The following F13A1 variants were observed in gnomAD, a reference collection of about 807,000 sequenced individuals.
The protein encoded by F13A1 is FSF, A subunit.
F13A1 carries 47 observed loss-of-function variants against 80.1 expected under a neutral mutation model. The ratio of observed to expected loss-of-function variants is 0.59; its 90% CI spans 0.46 to 0.75. F13A1 has a LOEUF of 0.75. Among genes scored for constraint, F13A1 ranks in the 30% least tolerant of loss-of-function variants. F13A1 has a pLI of 0.00. For synonymous variants in F13A1, 349 were observed against 344.9 expected (o/e 1.01, Z -0.13); for missense variants, 817 against 930.4 (o/e 0.88, Z 1.59).
At chr6:6,150,478 C>G (rs954874091) in intron 14 of F13A1, among the ~76,000 whole-genome samples, 5 of 152,208 alleles carry the variant, frequency 3.3e-5, no homozygotes, top group African/African-American at 1.2e-4. Flanking sequence ...AATAAGGCAT[C>G]TCTTAAATGA....
chr6:6,188,027 C>T lies in F13A1; in HGVS notation c.1306-5886G>A, dbSNP rs184689159. On this transcript the variant is annotated intron_variant, in intron 10 of 14. Transcript: ENST00000264870. ...TATTTGCATAGAGGTGTTTGTAGTA[C>T]TCTCTGATGGTACTTTGTATTTCTG... 1.9e-3 allele frequency among the ~76,000 whole-genome samples: 295 copies of T among 151,382 alleles called. 2 individuals carry two copies. Among genetic ancestry groups the T allele is most frequent in the African/African-American group, 6.8e-3 (282 of 41,420 alleles).
chr6:6,234,194 G>A (rs1250901103), intron 6 of F13A1, among the ~76,000 whole-genome samples: 1 of 152,048 alleles, frequency 6.6e-6, no homozygotes, highest in Non-Finnish European at 1.5e-5. Flanking sequence ...TGTTTACCTT[G>A]AAAACCCCAA....
chr6:6,281,979 G>A (rs542473652), intron 3 of F13A1, among the ~76,000 whole-genome samples: 4 of 123,304 alleles, frequency 3.2e-5, no homozygotes, highest in African/African-American at 1.3e-4. Flanking sequence ...GGGCGACAGA[G>A]TGAGACTCCG....
intron 13 of F13A1, 82 bp downstream of exon 13, chr6:6,167,376 A>G (rs1760694220): frequency 5.1e-6 from 7 of 1,374,858 alleles, no homozygotes; most frequent in African/African-American, 1.5e-5. Flanking sequence ...ACACACACAC[A>G]CATACAAGCA....
chr6:6,222,313 T>A, intron 7 of F13A1, 142 bp from the exon 8 acceptor site: 1 of 1,154,150 alleles, frequency 8.7e-7, no homozygotes, highest in Non-Finnish European at 1.3e-6. Flanking sequence ...TGTTCCATGC[T>A]GGAAAAGGGT....
At chr6:6,314,603 G>C (rs1758654179) in intron 2 of F13A1, among the ~76,000 whole-genome samples, 1 of 152,160 alleles carries the variant, frequency 6.6e-6, no homozygotes, top group South Asian at 2.1e-4. Flanking sequence ...CACACCGCTA[G>C]ACATTGATTT....
chr6:6,303,184 A>G (rs1192652595), intron 3 of F13A1, among the ~76,000 whole-genome samples: 3 of 152,174 alleles, frequency 2.0e-5, no homozygotes, highest in Non-Finnish European at 2.9e-5. Context: ...GTATGTTCTG[A>G]TAGCCGCTTC....
At chr6:6,172,613 T>G (rs966031089) in intron 12 of F13A1, among the ~76,000 whole-genome samples, 2 of 152,018 alleles carry the variant, frequency 1.3e-5, no homozygotes, top group Middle Eastern at 3.4e-3. Context: ...GCCTGGCTAA[T>G]TTTTTGTATT....
intron 8 of F13A1, among the ~76,000 whole-genome samples, chr6:6,217,974 C>T (rs145828152): frequency 1.3e-5 from 2 of 152,168 alleles, no homozygotes; most frequent in African/African-American, 4.8e-5. Context: ...CTATGCCCTG[C>T]ACACTGTTAC....
At chr6:6,216,866 A>G (rs1757098213) in intron 8 of F13A1, among the ~76,000 whole-genome samples, 1 of 149,614 alleles carries the variant, frequency 6.7e-6, no homozygotes. Context: ...AAGTGGGCAA[A>G]GGACATGAAC....
In F13A1 at chr6:6,222,147, G is replaced by C. The variant is rs759294043; in HGVS notation, c.998C>G (p.Ala333Gly). 6.2e-7 allele frequency: 1 copy of C among 1,614,012 alleles called. No individual in the cohort carries two copies. Among genetic ancestry groups the C allele is most frequent in the Non-Finnish European group, 8.5e-7 (1 of 1,179,906 alleles). Residue 333 changes from alanine to glycine, a missense_variant, in exon 8 of 15, where the codon GCA becomes GGA. Physicochemically the swap from Ala to Gly is moderately conservative, Grantham distance 60 (BLOSUM62 0). Coordinates refer to ENST00000264870, the MANE Select transcript of F13A1 (RefSeq NM_000129.4). ...AGAGAAATAATTGGTAACAATTCTTGCTGGTATTCCAAGGCATCGTAAAAC... is the reference window on the plus strand; with the variant it reads ...AGAGAAATAATTGGTAACAATTCTTCCTGGTATTCCAAGGCATCGTAAAAC... Reference protein sequence around the residue: ...NTFLRCLGIPARIVTNYFSAH... With the variant: ...NTFLRCLGIPGRIVTNYFSAH...
chr6:6,161,271 C>T (rs899589355), intron 13 of F13A1, among the ~76,000 whole-genome samples: 33 of 152,142 alleles, frequency 2.2e-4, no homozygotes, highest in Non-Finnish European at 4.0e-4. Flanking sequence ...CACACTCAGG[C>T]CACTGGCCCA....
chr6:6,182,140 A>C lies in F13A1; in HGVS notation c.1307T>G (p.Val436Gly), dbSNP rs1760999764. The change falls in exon 11 of 15, where the codon GTC (valine) becomes GGC (glycine). Residue 436 changes from valine to glycine, a missense_variant and splice_region_variant. Transcript: ENST00000264870. ...TGTAATGTAAATGAGGTCGCTGTTG[A>C]CCTGGAAACAGGAGAGGAGAGCATT... ...QFDAPFVFAE[V>G]NSDLIYITAK... is the part of the protein sequence containing the mutation. 1 of 1,613,872 alleles carries C rather than the reference A, an allele frequency of 6.2e-7. No individual in the cohort carries two copies. The highest frequency in any genetic ancestry group is 8.5e-7 in the Non-Finnish European group (1 of 1,180,016).
chr6:6,145,846 T>G, intron 14 of F13A1, 74 bp from the exon 15 acceptor site: 3 of 1,600,232 alleles, frequency 1.9e-6, no homozygotes, highest in Non-Finnish European at 2.6e-6. Context: ...ATGAAAACTC[T>G]TGCCTAAGTC....
At position 6,318,569 on chromosome 6, in the gene F13A1, A is replaced by G; in HGVS notation, c.96T>C (p.Leu32=). 1 of 1,613,888 alleles carries G rather than the reference A, an allele frequency of 6.2e-7. No individual in the cohort carries two copies. Among genetic ancestry groups the G allele is most frequent in the Non-Finnish European group, 8.5e-7 (1 of 1,179,892 alleles). ...TGACGCCCCGGGGCACCACGCCCTG[A>G]AGCTCCACTGTGGGCAGGTCATCTT... is the stretch of plus-strand genomic sequence containing the variant. ...AAEDDLPTVE[L]QGVVPRGVNL... is the part of the protein sequence containing the mutation. The change falls in exon 2 of 15, where the codon CTT becomes CTC. Residue 32 remains leucine, a synonymous_variant. Coordinates refer to ENST00000264870, the MANE Select transcript of F13A1 (RefSeq NM_000129.4).
At position 6,243,099 on chromosome 6, in the gene F13A1, C is replaced by T. The variant is rs1374111812; in HGVS notation, c.798+5213G>A. ...AATGAGTAAATACTGAGTGTTTTAC[C>T]ACCATCACCACCACCACTACCACTA... On this transcript the variant is annotated intron_variant, in intron 6 of 14. Transcript: ENST00000264870. This position sits in a 1 kb window ranked among gnomAD's most constrained non-coding sequence, Gnocchi z 4.2. Among the ~76,000 whole-genome samples, 1 of 151,940 alleles carries T rather than the reference C, an allele frequency of 6.6e-6. No homozygotes were observed. Among genetic ancestry groups the T allele is most frequent in the African/African-American group, 2.4e-5 (1 of 41,360 alleles).
chr6:6,254,340 C>T (rs927495821), intron 4 of F13A1, among the ~76,000 whole-genome samples: 2 of 152,062 alleles, frequency 1.3e-5, no homozygotes, highest in Admixed American at 6.5e-5. Flanking sequence ...AATGTATGTG[C>T]AACCTTCAAA....
intron 8 of F13A1, among the ~76,000 whole-genome samples, chr6:6,213,183 A>T (rs1761651941): frequency 6.6e-6 from 1 of 152,112 alleles, no homozygotes; most frequent in African/African-American, 2.4e-5. Flanking sequence ...AGAGAACACC[A>T]CAAAGATACT....
At chr6:6,158,417 C>T (rs966873602) in intron 13 of F13A1, among the ~76,000 whole-genome samples, 1 of 152,164 alleles carries the variant, frequency 6.6e-6, no homozygotes, top group Non-Finnish European at 1.5e-5. Flanking sequence ...GAGCATCTGA[C>T]ACATACTAGC....
Sources: gnomAD v4.1 joint callset for allele counts (sites outside exome capture counted in the v4.1 genomes callset) on GRCh38, gnomAD v4.1.1 for gene constraint, Gnocchi (gnomAD v3.1) non-coding constraint, MANE v1.5 for transcripts, NCBI Gene and HGNC (gene_info 2026-07-23, HGNC 2026-07-21) for gene names.